Variants in KNSTRN observed in about 807,000 individuals in gnomAD.
KNSTRN encodes small kinetochore-associated protein.
Under a neutral mutation model 44.7 loss-of-function variants are expected in KNSTRN, and 38 were observed. The ratio of observed to expected loss-of-function variants is 0.85; its 90% CI spans 0.66 to 1.11. The LOEUF is 1.11. KNSTRN is among the 50% of genes most tolerant of loss of function. The pLI is 0.00. For synonymous variants in KNSTRN, 158 were observed against 148.1 expected (o/e 1.07, Z -0.48); for missense variants, 406 against 375.8 (o/e 1.08, Z -0.66).
chr15:40,386,220 C>A (rs1889898324), intron 2 of KNSTRN, 142 bp from the exon 3 acceptor site: 1 of 885,666 alleles, frequency 1.1e-6, no homozygotes, highest in Non-Finnish European at 1.6e-6. Flanking sequence ...GAGCAAGACT[C>A]TGTCTCAAAA....
intron 5 of KNSTRN, 65 bp downstream of exon 5, chr15:40,389,676 G>C: frequency 3.7e-6 from 5 of 1,351,976 alleles, no homozygotes; most frequent in Non-Finnish European, 5.3e-6. Context: ...ATCCTGATGG[G>C]TGGCCCCTTG....
intron 7 of KNSTRN, 59 bp downstream of exon 7, chr15:40,391,613 T>A: frequency 1.5e-6 from 2 of 1,360,500 alleles, no homozygotes; most frequent in Non-Finnish European, 2.1e-6. Flanking sequence ...TCTGTAAATC[T>A]AAGAAGGTCT....
chr15:40,393,005 A>AT lies in KNSTRN; in HGVS notation c.823-453dup, dbSNP rs11321442. On this transcript the variant is annotated intron_variant, in intron 8 of 8. Coordinates refer to ENST00000249776, the MANE Select transcript of KNSTRN (RefSeq NM_033286.4). ...TGGATTTTAGCAGTTTTTTCCACTAATTTTTTTTTTTCTGTTACCGAGGCT... is the reference window on the plus strand; with the variant it reads ...TGGATTTTAGCAGTTTTTTCCACTAATTTTTTTTTTTTCTGTTACCGAGGCT... 9.3e-3 allele frequency among the ~76,000 whole-genome samples: 1,395 copies of AT among 149,234 alleles called. 9 individuals are homozygous for AT. The highest frequency in any genetic ancestry group is 0.014 in the African/African-American group (552 of 40,726).
chr15:40,383,036 G>C lies in KNSTRN; in HGVS notation c.201G>C (p.Arg67=). The C allele has an allele frequency of 6.2e-7, 1 of 1,610,676 alleles. No individual in the cohort carries two copies. The highest frequency in any genetic ancestry group is 8.5e-7 in the Non-Finnish European group (1 of 1,180,004). ...AGAAGGACTGCGGGCAGGACCGGCG[G>C]GCTCCTGGGTTCGGCTCTCCCGGGG... ...ESEKDCGQDR[R]APGVQPCRLV... The change falls in exon 1 of 9, where the codon CGG becomes CGC. Residue 67 remains arginine (R), a synonymous_variant. Transcript: ENST00000249776.
intron 2 of KNSTRN, 123 bp downstream of exon 2, chr15:40,383,445 G>T (rs910583947): frequency 1.4e-6 from 1 of 691,492 alleles, no homozygotes; most frequent in South Asian, 1.7e-5. Flanking sequence ...AAACCTGTGA[G>T]CCCCCTATAA....
In KNSTRN at chr15:40,389,847, G is replaced by A; in HGVS notation, c.603G>A (p.Lys201=). The change falls in exon 6 of 9, where the codon AAG becomes AAA. Residue 201 remains lysine, a synonymous_variant. Transcript: ENST00000249776. ...QKLTETQGEL[K]DLTQKVELLE... is the part of the protein sequence containing the mutation. The stretch of plus-strand genomic sequence containing the variant: ...CTGTGCTCCAATAGGGAGAGCTGAA[G>A]GACCTGACCCAGAAGGTAGAGCTGC... The A allele has an allele frequency of 6.2e-7, 1 of 1,614,204 alleles. No homozygotes were observed.
At chr15:40,391,264 G>A (rs1322139261) in intron 6 of KNSTRN, among the ~76,000 whole-genome samples, 1 of 152,102 alleles carries the variant, frequency 6.6e-6, no homozygotes, top group Non-Finnish European at 1.5e-5. Context: ...AAAGTATACC[G>A]AATTTTTGGC....
Position 40,382,967 on chromosome 15 carries a change from C to A in KNSTRN, c.132C>A (p.Ala44=), listed in dbSNP as rs139094595. The part of the protein sequence containing the change: ...FLFETQAADL[A]GGTTVAAGNL... ...TTGAAACCCAGGCGGCCGACTTAGCCGGTGGCACGACAGTTGCTGCAGGGA... is the reference window on the plus strand; with the variant it reads ...TTGAAACCCAGGCGGCCGACTTAGCAGGTGGCACGACAGTTGCTGCAGGGA... The change falls in exon 1 of 9, where the codon GCC becomes GCA. Residue 44 remains alanine, a synonymous_variant. Transcript: ENST00000249776. 114 of 1,612,264 alleles carry A rather than the reference C, an allele frequency of 7.1e-5. No homozygotes were observed. The African/African-American group carries it at 1.4e-3, about 19-fold the overall frequency.
intron 8 of KNSTRN, among the ~76,000 whole-genome samples, chr15:40,392,773 G>A (rs1390014578): frequency 6.6e-6 from 1 of 152,106 alleles, no homozygotes; most frequent in Non-Finnish European, 1.5e-5. Context: ...ACCATGACCG[G>A]CTAATTTTTA....
In KNSTRN at chr15:40,386,384, T is replaced by C. The variant is rs1251103479; in HGVS notation, c.327T>C (p.Ser109=). The C allele has an allele frequency of 1.2e-6, 2 of 1,614,140 alleles. No individual in the cohort carries two copies. The highest frequency in any genetic ancestry group is 1.7e-6 in the Non-Finnish European group (2 of 1,180,012). Residue 109 remains serine, a synonymous_variant, in exon 3 of 9, where the codon TCT becomes TCC. Coordinates refer to ENST00000249776, the MANE Select transcript of KNSTRN (RefSeq NM_033286.4). ...QPADTQTRAT[S]KSLLPVRSKE... is the part of the protein sequence containing the mutation. ...CAGACACACAAACTCGGGCCACTTCTAAGAGTCTCTTACCTGTTAGGTCCA... is the reference window on the plus strand; with the variant it reads ...CAGACACACAAACTCGGGCCACTTCCAAGAGTCTCTTACCTGTTAGGTCCA...
At chr15:40,386,554 G>C in intron 3 of KNSTRN, 60 bp downstream of exon 3, 1 of 1,576,212 alleles carries the variant, frequency 6.3e-7, no homozygotes, top group South Asian at 1.2e-5. Flanking sequence ...TCAATACAAA[G>C]AATTAGAAAA....
chr15:40,388,192 A>T (rs1176104373), intron 4 of KNSTRN, among the ~76,000 whole-genome samples: 1 of 152,248 alleles, frequency 6.6e-6, no homozygotes, highest in Non-Finnish European at 1.5e-5. Context: ...GGGGTCTCAC[A>T]GCCTTCAGAG....
Position 40,389,601 on chromosome 15 carries a change from C to T in KNSTRN, c.581C>T (p.Thr194Ile), listed in dbSNP as rs779872269. 1 of 1,612,376 alleles carries T rather than the reference C, an allele frequency of 6.2e-7. No homozygotes were observed. Among genetic ancestry groups the T allele is most frequent in the Admixed American group, 1.7e-5 (1 of 60,020 alleles). Residue 194 changes from threonine to isoleucine, a missense_variant, in exon 5 of 9, where the codon ACT becomes ATT. By Grantham distance (89) the Thr-to-Ile change is moderately conservative. Coordinates refer to ENST00000249776, the MANE Select transcript of KNSTRN (RefSeq NM_033286.4). ...AACAAGCAGTTGCACCAGAAGTTGACTGAAACTCAGGTAAGAGACCCACCA... is the reference window on the plus strand; with the variant it reads ...AACAAGCAGTTGCACCAGAAGTTGATTGAAACTCAGGTAAGAGACCCACCA... The part of the protein sequence containing the change: ...AVNKQLHQKL[T>I]ETQGELKDLT...
rs55904487 is a variant in KNSTRN at position 40,386,906 on chromosome 15, C to T, written c.438-253C>T. On this transcript the variant is annotated intron_variant, in intron 3 of 8. Transcript: ENST00000249776. ...GAGTGAGGTTGACATGAGATAGCCA[C>T]GCCATCTTGAGAGGAACAGCTCTGT... 6.1e-3 allele frequency: 3,444 copies of T among 563,714 alleles called. 106 individuals carry two copies. Among genetic ancestry groups the T allele is most frequent in the African/African-American group, 0.059 (3,120 of 53,214 alleles). The allele number at this position is 563,714 out of a possible 1,614,324, so 34.9% of individuals were successfully genotyped here. A position where few individuals can be genotyped will look rare whatever the true frequency, so the allele number is the denominator to read the frequency against.
In KNSTRN at chr15:40,394,133, G is replaced by T. The variant is rs561572320; in HGVS notation, c.*536G>T. 6.6e-6 allele frequency: 1 copy of T among 151,282 alleles called. No individual in the cohort carries two copies. The highest frequency in any genetic ancestry group is 1.9e-4 in the East Asian group (1 of 5,190). 9.4% of individuals were successfully genotyped at this position (151,282 alleles called of 1,614,324 possible). A position where few individuals can be genotyped will look rare whatever the true frequency, so the allele number is the denominator to read the frequency against. On this transcript the variant is annotated 3_prime_UTR_variant, in exon 9 of 9. Transcript: ENST00000249776. ...GAAGTGTTTTGGGCTTAATAAATGGGGTGAAAGTATAGGTAGCAGTAACAC... is the reference window on the plus strand; with the variant it reads ...GAAGTGTTTTGGGCTTAATAAATGGTGTGAAAGTATAGGTAGCAGTAACAC...
chr15:40,389,601 C>A lies in KNSTRN; in HGVS notation c.581C>A (p.Thr194Asn), dbSNP rs779872269. 2 of 1,612,376 alleles carry A rather than the reference C, an allele frequency of 1.2e-6. No homozygotes were observed. The highest frequency in any genetic ancestry group is 3.3e-5 in the Admixed American group (2 of 60,020). ...AACAAGCAGTTGCACCAGAAGTTGA[C>A]TGAAACTCAGGTAAGAGACCCACCA... ...AVNKQLHQKL[T>N]ETQGELKDLT... Residue 194 changes from threonine to asparagine, a missense_variant, in exon 5 of 9, where the codon ACT becomes AAT. Thr to Asn is a moderately conservative substitution (Grantham distance 65). Transcript: ENST00000249776.
rs191047038 is a variant in KNSTRN at position 40,386,387 on chromosome 15, G to T, written c.330G>T (p.Lys110Asn). 6.4e-5 allele frequency: 104 copies of T among 1,614,040 alleles called. No homozygotes were observed. Among genetic ancestry groups the T allele is most frequent in the Non-Finnish European group, 3.6e-5 (42 of 1,179,982 alleles). Residue 110 changes from lysine to asparagine, a missense_variant, in exon 3 of 9, where the codon AAG (lysine) becomes AAT (asparagine). By Grantham distance (94) the Lys-to-Asn change is moderately conservative (BLOSUM62 0). Transcript: ENST00000249776. ...ACACACAAACTCGGGCCACTTCTAA[G>T]AGTCTCTTACCTGTTAGGTCCAAAG... ...PADTQTRATS[K>N]SLLPVRSKEV...
chr15:40,389,970 G>A, intron 6 of KNSTRN, 41 bp downstream of exon 6: 1 of 1,501,322 alleles, frequency 6.7e-7, no homozygotes, highest in Non-Finnish European at 9.3e-7. Flanking sequence ...GAAGGAATTG[G>A]TGCATGTGCC....
intron 8 of KNSTRN, 49 bp from the exon 9 acceptor site, chr15:40,393,420 A>G (rs1595741830): frequency 6.2e-7 from 1 of 1,601,100 alleles, no homozygotes; most frequent in East Asian, 2.2e-5. Flanking sequence ...CCTGTTAGTC[A>G]AGAGTTTTGT....
Sources: gnomAD v4.1 joint callset for allele counts (sites outside exome capture counted in the v4.1 genomes callset) on GRCh38, gnomAD v4.1.1 for gene constraint, MANE v1.5 for transcripts, NCBI Gene and HGNC (gene_info 2026-07-23, HGNC 2026-07-21) for gene names.